Variants in BIRC6 observed in about 807,000 individuals in gnomAD.
BIRC6 encodes dual E2 ubiquitin-conjugating enzyme/E3 ubiquitin-protein ligase BIRC6.
In BIRC6, 98 loss-of-function variants were observed where a neutral mutation model predicts 503.3. The ratio of observed to expected loss-of-function variants is 0.19; its 90% CI spans 0.17 to 0.23. The LOEUF (loss-of-function observed/expected upper bound fraction) is 0.23, where lower values mean the gene tolerates loss of function less well. Among genes scored for constraint, BIRC6 ranks in the 10% least tolerant of loss-of-function variants. The probability of loss-of-function intolerance (pLI) is 1.00; values close to 1 mark genes in which losing one functional copy is unlikely to be tolerated. For synonymous variants in BIRC6, 2,240 were observed against 2,078.7 expected, an observed-to-expected ratio of 1.08 and a Z score of -2.11; for missense variants, 5,360 against 5,806.0, an observed-to-expected ratio of 0.92 and a Z score of 2.50.
intron 10 of BIRC6, among the ~76,000 whole-genome samples, chr2:32,420,248 G>A (rs2042795550): frequency 2.6e-5 from 4 of 151,982 alleles, no homozygotes; most frequent in African/African-American, 4.8e-5. Flanking sequence ...GGAAGTATTC[G>A]CTCTTCAATT....
At chr2:32,585,410 C>G (rs1458404292) in intron 66 of BIRC6, among the ~76,000 whole-genome samples, 1 of 150,642 alleles carries the variant, frequency 6.6e-6, no homozygotes, top group East Asian at 1.9e-4. Flanking sequence ...GACAAAGTCT[C>G]ACTCTGTCAC....
chr2:32,591,094 T>C (rs1325429016), intron 66 of BIRC6: 2 of 529,858 alleles, frequency 3.8e-6, no homozygotes, highest in Non-Finnish European at 2.4e-6. Context: ...GTTAGAATCA[T>C]TGATAGGCAG....
At chr2:32,378,539 C>T (rs1323107859) in intron 2 of BIRC6, among the ~76,000 whole-genome samples, 1 of 150,512 alleles carries the variant, frequency 6.6e-6, no homozygotes, top group Non-Finnish European at 1.5e-5. Context: ...CTCACTGCAA[C>T]CTTCATCTCC....
At chr2:32,595,203 T>C in intron 68 of BIRC6, 59 bp downstream of exon 68, 2 of 1,040,266 alleles carry the variant, frequency 1.9e-6, no homozygotes, top group Non-Finnish European at 2.8e-6. Flanking sequence ...TTAACAGTGC[T>C]ATTGAAATGT....
rs1161791567 is a variant in BIRC6, at chr2:32,431,082, G to A, written c.3240G>A (p.Gln1080=). The change falls in exon 12 of 74, where the codon CAG becomes CAA. Residue 1080 remains glutamine, a synonymous_variant. Transcript: ENST00000421745. ...AGCATACTCGAACTTGGAAACTACA[G>A]ACCGACAGGTAAAAGATATTCCCAA... The part of the protein sequence containing the change: ...AAQHTRTWKL[Q]TDSNSWDEHV... The A allele has an allele frequency of 6.3e-7, 1 of 1,588,740 alleles. No individual in the cohort carries two copies.
chr2:32,474,736 G>T, intron 33 of BIRC6, among the ~76,000 whole-genome samples: 1 of 152,046 alleles, frequency 6.6e-6, no homozygotes, highest in East Asian at 1.9e-4. Context: ...TTTTTTTCTT[G>T]ATTATATTTC....
chr2:32,429,007 C>T (rs2043822689), intron 10 of BIRC6, 139 bp from the exon 11 acceptor site: 1 of 724,278 alleles, frequency 1.4e-6, no homozygotes, highest in South Asian at 3.1e-5. Flanking sequence ...AATTTCTAAA[C>T]TCTTGGAAAT....
At chr2:32,422,701 C>G (rs2043063964) in intron 10 of BIRC6, among the ~76,000 whole-genome samples, 1 of 151,990 alleles carries the variant, frequency 6.6e-6, no homozygotes, top group African/African-American at 2.4e-5. Context: ...AGAATGATAC[C>G]AAACTCTAAC....
chr2:32,385,600 G>C (rs1184577381), intron 3 of BIRC6, among the ~76,000 whole-genome samples: 4 of 152,198 alleles, frequency 2.6e-5, no homozygotes. Flanking sequence ...CTGTGTGATT[G>C]TCCCAATTAG....
chr2:32,393,624 A>G (rs1279950062), intron 5 of BIRC6, among the ~76,000 whole-genome samples: 1 of 152,274 alleles, frequency 6.6e-6, no homozygotes, highest in South Asian at 2.1e-4. Context: ...CTTCCAAACA[A>G]TTCTCCCACC....
intron 46 of BIRC6, 76 bp downstream of exon 46, chr2:32,500,185 C>A (rs1215741073): frequency 7.7e-7 from 1 of 1,306,536 alleles, no homozygotes; most frequent in Non-Finnish European, 1.1e-6. Flanking sequence ...TATATGGATT[C>A]ATTTTCTTTT....
intron 72 of BIRC6, among the ~76,000 whole-genome samples, chr2:32,609,522 T>C (rs755336295): frequency 6.6e-6 from 1 of 152,180 alleles, no homozygotes; most frequent in Non-Finnish European, 1.5e-5. Context: ...TATATTTACC[T>C]GATATAAAAT....
At chr2:32,382,992 G>A (rs2037904832) in intron 3 of BIRC6, among the ~76,000 whole-genome samples, 1 of 151,862 alleles carries the variant, frequency 6.6e-6, no homozygotes, top group African/African-American at 2.4e-5. Context: ...AAAATGCTGG[G>A]GTTACAGGTG....
chr2:32,377,850 C>A, intron 2 of BIRC6, 81 bp downstream of exon 2: 1 of 1,237,492 alleles, frequency 8.1e-7, no homozygotes, highest in South Asian at 1.6e-5. Flanking sequence ...ATTAAGTCAT[C>A]CTTTAAGGAC....
intron 45 of BIRC6, among the ~76,000 whole-genome samples, chr2:32,495,790 G>GTTTTTTTTT (rs11464835): frequency 3.5e-5 from 3 of 84,812 alleles, no homozygotes; most frequent in African/African-American, 9.6e-5. Flanking sequence ...TCAGGATGAA[G>GTTTTTTTTT]TTTTTTTTTT....
chr2:32,531,608 T>A (rs2056759571), intron 61 of BIRC6, 57 bp downstream of exon 61: 1 of 1,409,340 alleles, frequency 7.1e-7, no homozygotes, highest in African/African-American at 1.4e-5. Context: ...CTTCATTCTT[T>A]TTAATGTTTG....
intron 66 of BIRC6, among the ~76,000 whole-genome samples, chr2:32,581,925 C>T (rs746511796): frequency 2.0e-5 from 3 of 152,054 alleles, no homozygotes; most frequent in East Asian, 1.9e-4. Flanking sequence ...AGCAGTGGTG[C>T]GATCTTGGCT....
At chr2:32,471,471 T>C (rs2149002369) in intron 32 of BIRC6, among the ~76,000 whole-genome samples, 1 of 152,314 alleles carries the variant, frequency 6.6e-6, no homozygotes, top group African/African-American at 2.4e-5. Context: ...TATTTTTTCT[T>C]AGTATGATGT....
chr2:32,462,875 G>T (rs750645437), intron 23 of BIRC6, among the ~76,000 whole-genome samples: 2 of 150,344 alleles, frequency 1.3e-5, no homozygotes, highest in Non-Finnish European at 2.9e-5. Context: ...AGAATCTCTT[G>T]AACCCAGACG....
Sources: allele counts gnomAD v4.1 joint callset (sites outside exome capture counted in the v4.1 genomes callset), GRCh38; gene constraint gnomAD v4.1.1; transcripts MANE v1.5; gene names NCBI Gene and HGNC (gene_info 2026-07-23, HGNC 2026-07-21).